Variants in SYT16 observed in about 807,000 individuals in gnomAD.
SYT16 encodes the protein synaptotagmin-16.
Under a neutral mutation model 61.4 loss-of-function variants are expected in SYT16, and 42 were observed. The ratio of observed to expected loss-of-function variants is 0.68; its 90% CI spans 0.53 to 0.89. SYT16 has a LOEUF of 0.89. Among genes scored for constraint, SYT16 ranks in the 40% least tolerant of loss-of-function variants. The pLI, the probability that SYT16 is intolerant of heterozygous loss-of-function variation, is 0.00. For synonymous variants in SYT16, 314 were observed against 302.3 expected, an observed-to-expected ratio of 1.04 and a Z score of -0.40; for missense variants, 804 against 807.3, an observed-to-expected ratio of 1.00 and a Z score of 0.05.
chr14:62,041,847 T>C (rs1465585515), intron 3 of SYT16, among the ~76,000 whole-genome samples: 1 of 152,178 alleles, frequency 6.6e-6, no homozygotes, highest in Non-Finnish European at 1.5e-5. Flanking sequence ...TATTTTTCTC[T>C]GTGTTTCATT....
At chr14:62,023,147 G>T (rs959366688) in intron 3 of SYT16, among the ~76,000 whole-genome samples, 28 of 152,034 alleles carry the variant, frequency 1.8e-4, no homozygotes. Flanking sequence ...GGCTGTCCAT[G>T]ATTTTTTCTT....
rs1321048042 is a variant in SYT16 at position 61,879,627 on chromosome 14, C to T, written c.-325+66817C>T. ...TCCGACTCCTGTCCCACCCTCCTGG[C>T]GGGAGCTTCTAGTGTTATCACCCCA... is the stretch of plus-strand genomic sequence containing the variant. On this transcript the variant is annotated intron_variant, in intron 1 of 7. Coordinates refer to ENST00000683842, the MANE Select transcript of SYT16 (RefSeq NM_001367656.1). Among the ~76,000 whole-genome samples, 4 of 152,296 alleles carry T rather than the reference C, an allele frequency of 2.6e-5. No homozygotes were observed. The South Asian group carries it at 6.2e-4, about 24-fold the overall frequency.
At position 62,111,328 on chromosome 14, in the gene SYT16, A is replaced by G. The variant is rs574276246; in HGVS notation, c.*10621A>G. On this transcript the variant is annotated 3_prime_UTR_variant, in exon 8 of 8. Transcript: ENST00000683842. ...TTTTAGGAGATTTTCAGGAGATTTT[A>G]CCCTACATGGAGTACACTGTTCTTA... 6.6e-5 allele frequency: 10 copies of G among 152,156 alleles called. No homozygotes were observed. The highest frequency in any genetic ancestry group is 1.3e-4 in the Non-Finnish European group (9 of 67,922). The allele number at this position is 152,156 out of a possible 1,614,324, so 9.4% of individuals were successfully genotyped here.
At position 61,874,768 on chromosome 14, in the gene SYT16, ATTTT is replaced by A. The variant is rs112967075; in HGVS notation, c.-325+61973_-325+61976del. 5.7e-3 allele frequency among the ~76,000 whole-genome samples: 808 copies of A among 141,802 alleles called. 8 individuals carry two copies. Among genetic ancestry groups the A allele is most frequent in the South Asian group, 0.027 (115 of 4,324 alleles). 93.0% of individuals were successfully genotyped at this position (141,802 alleles called of 152,430 possible). A position where few individuals can be genotyped will look rare whatever the true frequency, so the allele number is the denominator to read the frequency against. ...ACATTTTCAGAGCCAATGCAGCAAGATTTTTTTTTTTTTTTTTTACATGTTCTAA... is the reference window on the plus strand; with the variant it reads ...ACATTTTCAGAGCCAATGCAGCAAGATTTTTTTTTTTTTTACATGTTCTAA... On this transcript the variant is annotated intron_variant, in intron 1 of 7. Coordinates refer to ENST00000683842, the MANE Select transcript of SYT16 (RefSeq NM_001367656.1).
intron 3 of SYT16, among the ~76,000 whole-genome samples, chr14:62,047,504 A>C (rs2055048560): frequency 6.6e-6 from 1 of 152,134 alleles, no homozygotes; most frequent in Non-Finnish European, 1.5e-5. Flanking sequence ...AGAACTTCCA[A>C]CACTATGTTG....
intron 2 of SYT16, among the ~76,000 whole-genome samples, chr14:61,985,968 T>G (rs139327141): frequency 4.4e-4 from 67 of 152,312 alleles, no homozygotes; most frequent in African/African-American, 1.1e-3. Flanking sequence ...AAGATCCTGC[T>G]TTAGAATGTT....
At chr14:62,085,345 C>T (rs1272346978) in intron 7 of SYT16, among the ~76,000 whole-genome samples, 1 of 152,172 alleles carries the variant, frequency 6.6e-6, no homozygotes, top group Non-Finnish European at 1.5e-5. Flanking sequence ...GGAATGCTAG[C>T]TGCAAGAGAG....
chr14:61,820,469 G>GGTT (rs2045578027), intron 1 of SYT16, among the ~76,000 whole-genome samples: 2 of 61,080 alleles, frequency 3.3e-5, no homozygotes, highest in African/African-American at 1.4e-4. Flanking sequence ...CCTCTTCAGA[G>GGTT]TTTTTTTTTT....
rs1251179927 is a variant in SYT16 at position 62,042,125 on chromosome 14, C to A, written c.524-27478C>A. On this transcript the variant is annotated intron_variant, in intron 3 of 7. Coordinates refer to ENST00000683842, the MANE Select transcript of SYT16 (RefSeq NM_001367656.1). ...ATGTCAATTGATTGACTTTCCCCTT[C>A]ATTATGGGTATATTATCTTTTCTGC... Among the ~76,000 whole-genome samples the A allele has an allele frequency of 2.6e-5, 4 of 152,090 alleles. No individual in the cohort carries two copies. In the East Asian group the frequency reaches 7.7e-4, roughly 29 times the overall value.
chr14:61,830,257 C>T (rs1372082843), intron 1 of SYT16, among the ~76,000 whole-genome samples: 2 of 152,004 alleles, frequency 1.3e-5, no homozygotes, highest in East Asian at 1.9e-4. Context: ...TAAGATTTTC[C>T]CTGTTCTTGG....
intron 3 of SYT16, among the ~76,000 whole-genome samples, chr14:62,021,087 A>G (rs2053891039): frequency 6.6e-6 from 1 of 152,156 alleles, no homozygotes; most frequent in African/African-American, 2.4e-5. Context: ...AATAATTATT[A>G]AGGCTTTTTG....
rs952200492 is a variant in SYT16 at position 62,109,662 on chromosome 14, G to C, written c.*8955G>C. The C allele has an allele frequency of 1.3e-5, 2 of 152,062 alleles. No individual in the cohort carries two copies. The highest frequency in any genetic ancestry group is 4.8e-5 in the African/African-American group (2 of 41,398). 9.4% of individuals were successfully genotyped at this position (152,062 alleles called of 1,614,324 possible). On this transcript the variant is annotated 3_prime_UTR_variant, in exon 8 of 8. Transcript: ENST00000683842. Reference sequence around the variant, plus strand: ...CCCTCCATTGGAATCTAAACAGAAAGTTCTGAAGGTTATGAAGACGTGATC... The same window carrying C: ...CCCTCCATTGGAATCTAAACAGAAACTTCTGAAGGTTATGAAGACGTGATC...
intron 1 of SYT16, among the ~76,000 whole-genome samples, chr14:61,824,631 C>T (rs1318795501): frequency 1.3e-5 from 2 of 152,262 alleles, no homozygotes; most frequent in African/African-American, 2.4e-5. Context: ...GGATTACAGG[C>T]GTGAGCCACC....
chr14:61,969,146 A>G (rs2051439309), intron 1 of SYT16, among the ~76,000 whole-genome samples: 1 of 152,214 alleles, frequency 6.6e-6, no homozygotes, highest in African/African-American at 2.4e-5. Context: ...TTATTAAATC[A>G]TATATTAAAC....
chr14:62,081,375 T>A, intron 6 of SYT16, 101 bp downstream of exon 6: 4 of 1,298,598 alleles, frequency 3.1e-6, no homozygotes, highest in Non-Finnish European at 4.2e-6. Flanking sequence ...TCAGAGACTT[T>A]AATTTAATTT....
chr14:61,957,416 A>G lies in SYT16; in HGVS notation c.-324-12716A>G, dbSNP rs1173961845. Among the ~76,000 whole-genome samples the G allele has an allele frequency of 6.6e-5, 10 of 152,016 alleles. No homozygotes were observed. In the East Asian group the frequency reaches 1.9e-3, roughly 29 times the overall value. On this transcript the variant is annotated intron_variant, in intron 1 of 7. Transcript: ENST00000683842. ...CTTAGAGGGAAGCTTTCCACTTTTC[A>G]TTGTTGAAATGATGTTACCTGTGGG...
intron 1 of SYT16, among the ~76,000 whole-genome samples, chr14:61,922,920 G>A (rs2049388797): frequency 6.6e-6 from 1 of 151,992 alleles, no homozygotes; most frequent in Admixed American, 6.6e-5. Context: ...GTAGTGGCAG[G>A]TGCCTGTAAT....
At chr14:61,987,699 A>G (rs1255780606) in intron 2 of SYT16, among the ~76,000 whole-genome samples, 13 of 151,972 alleles carry the variant, frequency 8.6e-5, no homozygotes, top group Admixed American at 8.5e-4. Flanking sequence ...GTGCAAAAAT[A>G]ATTGGAGTTG....
At position 62,081,011 on chromosome 14, in the gene SYT16, C is replaced by T; in HGVS notation, c.1171C>T (p.His391Tyr). Residue 391 changes from histidine to tyrosine, a missense_variant, in exon 6 of 8, where the codon CAT becomes TAT. By Grantham distance (83) the His-to-Tyr change is moderately conservative (BLOSUM62 2). Transcript: ENST00000683842. ...DRSGVNSWQVHVVLLPGKKHR... is the reference protein window; with the variant it reads ...DRSGVNSWQVYVVLLPGKKHR... The stretch of plus-strand genomic sequence containing the variant: ...AAGTGGTGTCAACTCCTGGCAAGTT[C>T]ATGTAGTGCTGCTGCCTGGTAAGAA... The T allele has an allele frequency of 6.2e-7, 1 of 1,613,322 alleles. No individual in the cohort carries two copies. The highest frequency in any genetic ancestry group is 8.5e-7 in the Non-Finnish European group (1 of 1,179,614).
Sources: allele counts gnomAD v4.1 joint callset (sites outside exome capture counted in the v4.1 genomes callset), GRCh38; gene constraint gnomAD v4.1.1; transcripts MANE v1.5; gene names NCBI Gene and HGNC (gene_info 2026-07-23, HGNC 2026-07-21).